The following CD1A variants were observed in gnomAD, a reference collection of about 807,000 sequenced individuals.
CD1A encodes T-cell surface glycoprotein CD1a.
In CD1A, 50 loss-of-function variants were observed where a neutral mutation model predicts 38.3. The ratio of observed to expected loss-of-function variants is 1.30; its 90% CI spans 1.04 to 1.65. The LOEUF (loss-of-function observed/expected upper bound fraction) is 1.65, where lower values mean the gene tolerates loss of function less well. CD1A is among the 40% of genes most tolerant of loss of function. The pLI is 0.00. For synonymous variants in CD1A, 160 were observed against 150.8 expected (o/e 1.06, Z -0.45); for missense variants, 459 against 406.1 (o/e 1.13, Z -1.12).
chr1:158,256,438 G>T (rs1000082017), intron 3 of CD1A, among the ~76,000 whole-genome samples, 156 bp downstream of exon 3: 2 of 152,138 alleles, frequency 1.3e-5, no homozygotes, highest in Admixed American at 6.5e-5. Context: ...GGAAGCTGAG[G>T]CTGGAGGACT....
At position 158,257,762 on chromosome 1, in the gene CD1A, A is replaced by G. The variant is rs1650311112; in HGVS notation, c.*72A>G. 1 of 1,272,732 alleles carries G rather than the reference A, an allele frequency of 7.9e-7. No individual in the cohort carries two copies. 78.8% of individuals were successfully genotyped at this position (1,272,732 alleles called of 1,614,324 possible). A position where few individuals can be genotyped will look rare whatever the true frequency, so the allele number is the denominator to read the frequency against. ...GACCAGCAGCCCAAGGGCTCCAGAC[A>G]CACCTGAACACATCGTGATGATGAC... On this transcript the variant is annotated 3_prime_UTR_variant, in exon 6 of 6. Transcript: ENST00000289429.
At position 158,254,595 on chromosome 1, in the gene CD1A, C is replaced by T. The variant is rs1189115152; in HGVS notation, c.-75C>T. On this transcript the variant is annotated 5_prime_UTR_variant, in exon 1 of 6. Coordinates refer to ENST00000289429, the MANE Select transcript of CD1A (RefSeq NM_001763.3). Reference sequence around the variant, plus strand: ...CAGAAAGAAGTCAGAATAGAGATATCGTGGGGTAGGTTTGTTTGGAACAGA... The same window carrying T: ...CAGAAAGAAGTCAGAATAGAGATATTGTGGGGTAGGTTTGTTTGGAACAGA... 4 of 1,609,436 alleles carry T rather than the reference C, an allele frequency of 2.5e-6. No homozygotes were observed. The highest frequency in any genetic ancestry group is 1.1e-5 in the South Asian group (1 of 90,520).
chr1:158,253,321 A>AT (rs1650136324), upstream of CD1A, among the ~76,000 whole-genome samples: 1 of 152,222 alleles, frequency 6.6e-6, no homozygotes, highest in South Asian at 2.1e-4. Flanking sequence ...AATAGGACTA[A>AT]TAAAAAGGGA....
rs1234731700 is a variant in CD1A, at chr1:158,254,658, T to A, written c.-12T>A. The A allele has an allele frequency of 6.2e-7, 1 of 1,614,094 alleles. No individual in the cohort carries two copies. The highest frequency in any genetic ancestry group is 1.7e-5 in the Admixed American group (1 of 60,014). ...ATTTTTCTGAGAGAAGGAAATAACA[T>A]CTGCAAATGATATGCTGTTTTTGCT... On this transcript the variant is annotated 5_prime_UTR_variant, in exon 1 of 6. Coordinates refer to ENST00000289429, the MANE Select transcript of CD1A (RefSeq NM_001763.3).
chr1:158,248,416 G>A, the CD1A span: 11 of 985,166 alleles, frequency 1.1e-5, no homozygotes, highest in Non-Finnish European at 1.1e-5. Flanking sequence ...CAACAGGTAA[G>A]TGCTGCTACA....
rs1440636781 is a variant in CD1A, at chr1:158,255,370, T to G, written c.325+20T>G. 1 of 1,610,980 alleles carries G rather than the reference T, an allele frequency of 6.2e-7. No individual in the cohort carries two copies. ...TTGAATGTGAGTTCAGTTTTCTCCA[T>G]GGAGAGTGGTGAGGTGGGAGAGAGG... On this transcript the variant is annotated intron_variant, in intron 2 of 5. Coordinates refer to ENST00000289429, the MANE Select transcript of CD1A (RefSeq NM_001763.3).
chr1:158,250,055 C>G (rs1386007890), upstream of CD1A, among the ~76,000 whole-genome samples: 2 of 152,252 alleles, frequency 1.3e-5, no homozygotes, highest in Admixed American at 1.3e-4. Flanking sequence ...TAAAGCCAAC[C>G]TCTGTGCAGA....
upstream of CD1A, chr1:158,254,131 C>T (rs543873533): frequency 9.0e-5 from 83 of 926,012 alleles, no homozygotes; most frequent in Admixed American, 2.6e-4. Flanking sequence ...TTTGTACTGT[C>T]GCACAGGGCA....
At position 158,255,356 on chromosome 1, in the gene CD1A, T is replaced by C. The variant is rs777412961; in HGVS notation, c.325+6T>C. 36 of 1,612,480 alleles carry C rather than the reference T, an allele frequency of 2.2e-5. No individual in the cohort carries two copies. The South Asian group carries it at 4.0e-4, about 18-fold the overall frequency. On this transcript the variant is annotated splice_donor_region_variant and intron_variant, in intron 2 of 5. Coordinates refer to ENST00000289429, the MANE Select transcript of CD1A (RefSeq NM_001763.3). ...CCATGAATTGCAGTTTGAATGTGAG[T>C]TCAGTTTTCTCCATGGAGAGTGGTG...
chr1:158,250,886 C>T (rs550622161), upstream of CD1A, among the ~76,000 whole-genome samples: 2 of 152,226 alleles, frequency 1.3e-5, no homozygotes, highest in South Asian at 4.2e-4. Context: ...TTCCCAGGAC[C>T]CATTCCACAT....
upstream of CD1A, among the ~76,000 whole-genome samples, chr1:158,249,900 C>A (rs974873755): frequency 1.3e-5 from 2 of 152,168 alleles, no homozygotes; most frequent in Non-Finnish European, 2.9e-5. Context: ...CCACAGTGGC[C>A]ACTCCAACCC....
chr1:158,254,049 T>TG (rs1650157668), upstream of CD1A: 1 of 99,478 alleles, frequency 1.0e-5, no homozygotes, highest in Non-Finnish European at 2.2e-5. Context: ...TTTTTTTTTT[T>TG]TTTTTTTTTT....
In CD1A at chr1:158,258,156, T is replaced by C. The variant is rs1196222003; in HGVS notation, c.*466T>C. ...TTAGATCCCCCCTTTCCTTCTAATT[T>C]TTCAGCTCCTTCAATGCAAAGTACA... On this transcript the variant is annotated 3_prime_UTR_variant, in exon 6 of 6. Coordinates refer to ENST00000289429, the MANE Select transcript of CD1A (RefSeq NM_001763.3). 6.3e-6 allele frequency: 1 copy of C among 159,532 alleles called. No individual in the cohort carries two copies. The highest frequency in any genetic ancestry group is 1.4e-5 in the Non-Finnish European group (1 of 72,390). 9.9% of individuals were successfully genotyped at this position (159,532 alleles called of 1,614,324 possible). A position where few individuals can be genotyped will look rare whatever the true frequency, so the allele number is the denominator to read the frequency against.
chr1:158,251,419 G>T (rs1255983086), upstream of CD1A, among the ~76,000 whole-genome samples: 1 of 152,198 alleles, frequency 6.6e-6, no homozygotes, highest in Admixed American at 6.5e-5. Flanking sequence ...TGCTGCAATA[G>T]TCTTCAAGTT....
chr1:158,254,258 G>A, upstream of CD1A: 3 of 1,083,080 alleles, frequency 2.8e-6, no homozygotes, highest in Non-Finnish European at 3.4e-6. Context: ...AAAGGACAGA[G>A]TGATCAAAAA....
upstream of CD1A, among the ~76,000 whole-genome samples, chr1:158,250,307 T>A (rs1650052739): frequency 6.6e-6 from 1 of 152,150 alleles, no homozygotes; most frequent in African/African-American, 2.4e-5. Context: ...CAAGACCACA[T>A]GTCAGCAAAG....
At chr1:158,257,557 CT>C in intron 5 of CD1A, 46 bp downstream of exon 5, 2 of 1,579,338 alleles carry the variant, frequency 1.3e-6, no homozygotes, top group Non-Finnish European at 1.7e-6. Flanking sequence ...CTCTACCCCA[CT>C]TTTCTTCCCA....
Position 158,255,996 on chromosome 1 carries a change from A to G in CD1A, c.326-8A>G. The G allele has an allele frequency of 1.2e-6, 2 of 1,601,568 alleles. No homozygotes were observed. Among genetic ancestry groups the G allele is most frequent in the Non-Finnish European group, 1.7e-6 (2 of 1,172,638 alleles). On this transcript the variant is annotated splice_region_variant and splice_polypyrimidine_tract_variant and intron_variant, in intron 2 of 5. Coordinates refer to ENST00000289429, the MANE Select transcript of CD1A (RefSeq NM_001763.3). ...TTTCTCCCTCTTTCCTCTATTTCAT[A>G]ACCCCAGATCCTTTTGAGATACAGG...
At chr1:158,251,031 C>T (rs904028995), upstream of CD1A, among the ~76,000 whole-genome samples, 1 of 152,144 alleles carries the variant, frequency 6.6e-6, no homozygotes, top group South Asian at 2.1e-4. Flanking sequence ...CTATGAATAG[C>T]CTACTATTGG....
Sources: gnomAD v4.1 joint callset for allele counts (sites outside exome capture counted in the v4.1 genomes callset) on GRCh38, gnomAD v4.1.1 for gene constraint, MANE v1.5 for transcripts, NCBI Gene and HGNC (gene_info 2026-07-23, HGNC 2026-07-21) for gene names.